The following STAT4 variants were observed in gnomAD, a reference collection of about 807,000 sequenced individuals.
STAT4 encodes the protein signal transducer and activator of transcription 4.
STAT4 carries 42 observed loss-of-function variants against 110.5 expected under a neutral mutation model. That is an observed-to-expected ratio of 0.38 (90% CI 0.30 to 0.49). STAT4 has a LOEUF of 0.49. Ranked by LOEUF, STAT4 falls within the 20% of genes least tolerant of loss-of-function variation. The pLI, the probability that STAT4 is intolerant of heterozygous loss-of-function variation, is 0.95. For synonymous variants in STAT4, 284 were observed against 302.2 expected, an observed-to-expected ratio of 0.94 and a Z score of 0.63; for missense variants, 632 against 887.9, an observed-to-expected ratio of 0.71 and a Z score of 3.66.
intron 3 of STAT4, among the ~76,000 whole-genome samples, chr2:191,123,826 G>A (rs980147428): frequency 2.6e-5 from 4 of 152,210 alleles, no homozygotes; most frequent in African/African-American, 4.8e-5. Flanking sequence ...ATTGTACTGC[G>A]TTATTATTGC....
upstream of STAT4, chr2:191,151,584 T>A (rs1294769632): frequency 5.1e-6 from 5 of 985,428 alleles, no homozygotes; most frequent in African/African-American, 8.7e-5. The surrounding 1 kb of genome is among the most constrained non-coding windows in gnomAD (Gnocchi z 4.7). Flanking sequence ...TCTCCTTGAG[T>A]AGCCTTGCCC....
chr2:191,133,758 T>C (rs1699105086), intron 3 of STAT4, among the ~76,000 whole-genome samples: 1 of 151,750 alleles, frequency 6.6e-6, no homozygotes, highest in Non-Finnish European at 1.5e-5. Flanking sequence ...AGTCCAATAA[T>C]AATGATTCAG....
chr2:191,077,822 T>C lies in STAT4; in HGVS notation c.274-1497A>G, dbSNP rs1697358922. 1.3e-5 allele frequency among the ~76,000 whole-genome samples: 2 copies of C among 152,068 alleles called. No homozygotes were observed. Among genetic ancestry groups the C allele is most frequent in the South Asian group, 2.1e-4 (1 of 4,824 alleles). ...ATATTTTACAGTCTTCCAAACTCTTTCTTTTTTCTCTTTAAATCAAAAGTC... is the reference window on the plus strand; with the variant it reads ...ATATTTTACAGTCTTCCAAACTCTTCCTTTTTTCTCTTTAAATCAAAAGTC... On this transcript the variant is annotated intron_variant, in intron 3 of 23. Coordinates refer to ENST00000392320, the MANE Select transcript of STAT4 (RefSeq NM_003151.4). The surrounding 1 kb of genome is among the most constrained non-coding windows in gnomAD (Gnocchi z 4.1).
rs1437812742 is a variant in STAT4 at position 191,062,926 on chromosome 2, G to A, written c.783-6C>T. On this transcript the variant is annotated splice_region_variant and splice_polypyrimidine_tract_variant and intron_variant, in intron 8 of 23. Coordinates refer to ENST00000392320, the MANE Select transcript of STAT4 (RefSeq NM_003151.4). This position sits in a 1 kb window ranked among gnomAD's most constrained non-coding sequence, Gnocchi z 4.9. Reference sequence around the variant, plus strand: ...TTTCTGCCAATAGTGTAAAGCTATTGAACAGAAAATGAAAATCAAAGATAG... The same window carrying A: ...TTTCTGCCAATAGTGTAAAGCTATTAAACAGAAAATGAAAATCAAAGATAG... The A allele has an allele frequency of 1.2e-5, 19 of 1,604,606 alleles. No individual in the cohort carries two copies. Among genetic ancestry groups the A allele is most frequent in the Non-Finnish European group, 1.6e-5 (19 of 1,175,698 alleles).
rs564635507 is a variant in STAT4 at position 191,053,352 on chromosome 2, A to T, written c.1251+1138T>A. 2.8e-3 allele frequency among the ~76,000 whole-genome samples: 426 copies of T among 152,326 alleles called. 1 individual carries two copies. Among genetic ancestry groups the T allele is most frequent in the Non-Finnish European group, 5.6e-3 (378 of 68,024 alleles). ...CTGCTCTCTTAGAGGAAAAAAATGCAGTATTTCCTCATCAGTTCATTTGCC... is the reference window on the plus strand; with the variant it reads ...CTGCTCTCTTAGAGGAAAAAAATGCTGTATTTCCTCATCAGTTCATTTGCC... On this transcript the variant is annotated intron_variant, in intron 14 of 23. Coordinates refer to ENST00000392320, the MANE Select transcript of STAT4 (RefSeq NM_003151.4). The surrounding 1 kb of genome is among the most constrained non-coding windows in gnomAD (Gnocchi z 4.5).
At position 191,146,180 on chromosome 2, in the gene STAT4, A is replaced by G. The variant is rs1699454515; in HGVS notation, c.273+433T>C. On this transcript the variant is annotated intron_variant, in intron 3 of 23. Coordinates refer to ENST00000392320, the MANE Select transcript of STAT4 (RefSeq NM_003151.4). This position sits in a 1 kb window ranked among gnomAD's most constrained non-coding sequence, Gnocchi z 4.5. ...AGAGAGTACCAAAGAACACTTTTAA[A>G]GGAGTGTGAGATCTGAACCAAATCT... Among the ~76,000 whole-genome samples the G allele has an allele frequency of 6.6e-6, 1 of 152,214 alleles. No homozygotes were observed. The highest frequency in any genetic ancestry group is 6.5e-5 in the Admixed American group (1 of 15,282).
At chr2:191,068,753 C>G (rs1207481592) in intron 6 of STAT4, among the ~76,000 whole-genome samples, 1 of 152,058 alleles carries the variant, frequency 6.6e-6, no homozygotes, top group Non-Finnish European at 1.5e-5. Flanking sequence ...ATGATCAAAA[C>G]AAGTAAATTA....
intron 3 of STAT4, among the ~76,000 whole-genome samples, chr2:191,120,215 T>A (rs768817611): frequency 1.1e-4 from 16 of 152,230 alleles, no homozygotes; most frequent in Non-Finnish European, 2.1e-4. Context: ...AACTAAGAAC[T>A]GTTGTTCATC....
intron 3 of STAT4, among the ~76,000 whole-genome samples, chr2:191,125,489 T>C (rs1227253992): frequency 6.8e-6 from 1 of 147,778 alleles, no homozygotes; most frequent in African/African-American, 2.5e-5. Context: ...ATTATTATTA[T>C]TATTATTATT....
intron 14 of STAT4, 82 bp from the exon 15 acceptor site, chr2:191,041,230 ATATT>A (rs1457195854): frequency 3.6e-6 from 2 of 562,866 alleles, no homozygotes; most frequent in South Asian, 8.9e-5. Context: ...ATAAATTAAT[ATATT>A]TATTAATAAA....
intron 3 of STAT4, among the ~76,000 whole-genome samples, chr2:191,100,576 G>A (rs967427602): frequency 6.6e-6 from 1 of 152,062 alleles, no homozygotes; most frequent in Non-Finnish European, 1.5e-5. Flanking sequence ...AAGCATCAGA[G>A]CCTTTTCTGC....
intron 3 of STAT4, among the ~76,000 whole-genome samples, chr2:191,118,566 A>G (rs1698630680): frequency 1.3e-5 from 2 of 152,186 alleles, no homozygotes; most frequent in African/African-American, 4.8e-5. Context: ...TAATAGTGCT[A>G]TAAGTTGCAT....
chr2:191,079,750 CT>C (rs946591546), intron 3 of STAT4, among the ~76,000 whole-genome samples: 4 of 151,646 alleles, frequency 2.6e-5, no homozygotes, highest in African/African-American at 4.8e-5. Context: ...TTCTATTTAT[CT>C]TTTTTTTACA....
Position 191,037,224 on chromosome 2 carries a change from C to T in STAT4, c.1435-925G>A, listed in dbSNP as rs770828977. 6.6e-6 allele frequency among the ~76,000 whole-genome samples: 1 copy of T among 152,124 alleles called. No homozygotes were observed. The highest frequency in any genetic ancestry group is 1.5e-5 in the Non-Finnish European group (1 of 68,024). ...CCCAAAGTGCTAGAAATGGTAAAGTCCCAGGCTAGGGAAGGTGACCCTACA... is the reference window on the plus strand; with the variant it reads ...CCCAAAGTGCTAGAAATGGTAAAGTTCCAGGCTAGGGAAGGTGACCCTACA... On this transcript the variant is annotated intron_variant, in intron 16 of 23. Transcript: ENST00000392320. This position sits in a 1 kb window ranked among gnomAD's most constrained non-coding sequence, Gnocchi z 4.8.
intron 3 of STAT4, among the ~76,000 whole-genome samples, chr2:191,111,409 CT>C (rs1698417291): frequency 6.6e-6 from 1 of 152,100 alleles, no homozygotes; most frequent in African/African-American, 2.4e-5. Context: ...CGGAGTATAA[CT>C]TTTTTTCAAA....
In STAT4 at chr2:191,029,684, G is replaced by T; in HGVS notation, c.*156C>A. Reference sequence around the variant, plus strand: ...TTCAGTCACAACACTCCCAATTGAGGAGTGCCACGGGAGTGTGAAGAGAGC... The same window carrying T: ...TTCAGTCACAACACTCCCAATTGAGTAGTGCCACGGGAGTGTGAAGAGAGC... On this transcript the variant is annotated 3_prime_UTR_variant, in exon 24 of 24. Transcript: ENST00000392320. The surrounding 1 kb of genome is among the most constrained non-coding windows in gnomAD (Gnocchi z 4.5). 1 of 673,364 alleles carries T rather than the reference G, an allele frequency of 1.5e-6. No homozygotes were observed. The highest frequency in any genetic ancestry group is 2.5e-6 in the Non-Finnish European group (1 of 393,332). The allele number at this position is 673,364 out of a possible 1,614,324, so 41.7% of individuals were successfully genotyped here.
intron 3 of STAT4, among the ~76,000 whole-genome samples, chr2:191,096,446 G>A (rs1697985152): frequency 6.6e-6 from 1 of 152,176 alleles, no homozygotes; most frequent in Non-Finnish European, 1.5e-5. Flanking sequence ...TCATCCCTGG[G>A]ATGCAAGGCT....
intron 3 of STAT4, among the ~76,000 whole-genome samples, chr2:191,085,222 A>T (rs1697605743): frequency 6.6e-6 from 1 of 151,868 alleles, no homozygotes; most frequent in Non-Finnish European, 1.5e-5. Context: ...TTTTATAGTG[A>T]CTTGTGGTCC....
Position 191,113,935 on chromosome 2 carries a change from C to G in STAT4, c.273+32678G>C, listed in dbSNP as rs753111738. On this transcript the variant is annotated intron_variant, in intron 3 of 23. Transcript: ENST00000392320. The surrounding 1 kb of genome is among the most constrained non-coding windows in gnomAD (Gnocchi z 4.8). ...CTCCCTTCTGCTCAACCACCACAGA[C>G]AGGAGGTTCCCCTAGAGTTTATGGC... 6.6e-6 allele frequency among the ~76,000 whole-genome samples: 1 copy of G among 152,194 alleles called. No individual in the cohort carries two copies. The highest frequency in any genetic ancestry group is 6.5e-5 in the Admixed American group (1 of 15,272).
Sources: allele counts gnomAD v4.1 joint callset (sites outside exome capture counted in the v4.1 genomes callset), GRCh38; gene constraint gnomAD v4.1.1; non-coding constraint Gnocchi (gnomAD v3.1); transcripts MANE v1.5; gene names NCBI Gene and HGNC (gene_info 2026-07-23, HGNC 2026-07-21).